The following GPC6 variants were observed in gnomAD, a reference collection of about 807,000 sequenced individuals.
GPC6 encodes glypican-6.
Under a neutral mutation model 55.2 loss-of-function variants are expected in GPC6, and 14 were observed. The ratio of observed to expected loss-of-function variants is 0.25; its 90% CI spans 0.17 to 0.40. GPC6 has a LOEUF of 0.40. Ranked by LOEUF, GPC6 falls within the 10% of genes least tolerant of loss-of-function variation. The pLI, the probability that GPC6 is intolerant of heterozygous loss-of-function variation, is 1.00. For missense variants in GPC6, 641 were observed against 708.5 expected, an observed-to-expected ratio of 0.90 and a Z score of 1.08; for synonymous variants, 278 against 259.6, an observed-to-expected ratio of 1.07 and a Z score of -0.68.
intron 1 of GPC6, among the ~76,000 whole-genome samples, chr13:93,368,209 G>C (rs903184130): frequency 2.6e-5 from 4 of 151,708 alleles, no homozygotes; most frequent in African/African-American, 9.7e-5. Context: ...TTTGCTCTGA[G>C]TCTATTCTAT....
Position 94,313,114 on chromosome 13 carries a change from G to A in GPC6, c.1152+6991G>A, listed in dbSNP as rs184747456. ...AAACGTTAAAACCAAACCACCCAAC[G>A]TATTCTGTCTCGGTTTCTGCTCTTC... On this transcript the variant is annotated intron_variant, in intron 6 of 8. Coordinates refer to ENST00000377047, the MANE Select transcript of GPC6 (RefSeq NM_005708.5). Among the ~76,000 whole-genome samples the A allele has an allele frequency of 8.9e-4, 135 of 152,268 alleles. 2 individuals are homozygous for A. Among genetic ancestry groups the A allele is most frequent in the Admixed American group, 6.9e-3 (105 of 15,300 alleles).
intron 1 of GPC6, among the ~76,000 whole-genome samples, chr13:93,321,055 T>C (rs1225933556): frequency 6.6e-6 from 1 of 152,188 alleles, no homozygotes; most frequent in African/African-American, 2.4e-5. Context: ...GCATCTAGTC[T>C]ATCAAAGTTT....
intron 1 of GPC6, among the ~76,000 whole-genome samples, chr13:93,402,319 A>G (rs1876122140): frequency 1.3e-5 from 2 of 152,144 alleles, no homozygotes; most frequent in African/African-American, 4.8e-5. Context: ...GCGCTAGGGC[A>G]ATGCAGGAGA....
In GPC6 at chr13:93,592,868, C is replaced by T. The variant is rs77375893; in HGVS notation, c.319+47447C>T. ...ACTAAGAATATAAAAATACCTCCTA[C>T]GAAATGCTTATTAAAGAATAATTAA... is the stretch of plus-strand genomic sequence containing the variant. On this transcript the variant is annotated intron_variant, in intron 2 of 8. Transcript: ENST00000377047. Among the ~76,000 whole-genome samples, 63 of 151,940 alleles carry T rather than the reference C, an allele frequency of 4.1e-4. 1 individual carries two copies. The highest frequency in any genetic ancestry group is 2.9e-3 in the East Asian group (15 of 5,172).
intron 4 of GPC6, among the ~76,000 whole-genome samples, chr13:94,032,451 T>C (rs1883178628): frequency 6.6e-6 from 1 of 152,202 alleles, no homozygotes. Context: ...TGATGTTAAA[T>C]AGCCACAGCA....
intron 1 of GPC6, among the ~76,000 whole-genome samples, chr13:93,428,792 G>A (rs1877248490): frequency 6.6e-6 from 1 of 152,070 alleles, no homozygotes; most frequent in Admixed American, 6.6e-5. Context: ...ACCTCATACA[G>A]TTTTTTAGCC....
intron 4 of GPC6, among the ~76,000 whole-genome samples, chr13:94,206,252 A>G (rs1889898534): frequency 6.6e-6 from 1 of 152,188 alleles, no homozygotes. Flanking sequence ...TGAGAAGTGA[A>G]TGAGAATATT....
At chr13:93,343,784 T>C (rs1288029299) in intron 1 of GPC6, among the ~76,000 whole-genome samples, 2 of 152,228 alleles carry the variant, frequency 1.3e-5, no homozygotes, top group African/African-American at 4.8e-5. Context: ...TTTGCAGCTT[T>C]GCTCCTTGGG....
intron 1 of GPC6, among the ~76,000 whole-genome samples, chr13:93,526,130 C>G (rs1003539251): frequency 5.3e-5 from 8 of 152,032 alleles, no homozygotes; most frequent in Admixed American, 6.6e-5. Context: ...ACTCTGATAG[C>G]TAAAAATTCT....
At chr13:94,372,792 C>G (rs1171558061) in intron 6 of GPC6, among the ~76,000 whole-genome samples, 1 of 152,098 alleles carries the variant, frequency 6.6e-6, no homozygotes, top group Non-Finnish European at 1.5e-5. Flanking sequence ...CAGCAGTAAC[C>G]TCTGCAGACT....
At chr13:93,439,444 T>C (rs982486620) in intron 1 of GPC6, among the ~76,000 whole-genome samples, 1 of 152,144 alleles carries the variant, frequency 6.6e-6, no homozygotes, top group Non-Finnish European at 1.5e-5. Context: ...CCTGTGCAAG[T>C]TCTTTCTCTT....
At chr13:93,264,919 T>C (rs1302636718) in intron 1 of GPC6, among the ~76,000 whole-genome samples, 4 of 152,206 alleles carry the variant, frequency 2.6e-5, no homozygotes, top group African/African-American at 9.7e-5. Flanking sequence ...GAATAGAATA[T>C]GTGAATCCCT....
At chr13:93,865,528 T>C (rs1384331985) in intron 3 of GPC6, among the ~76,000 whole-genome samples, 4 of 151,658 alleles carry the variant, frequency 2.6e-5, no homozygotes, top group Admixed American at 6.6e-5. Context: ...AAGCCAGAGG[T>C]TGTAACCTTT....
At position 93,601,392 on chromosome 13, in the gene GPC6, GTAATAA is replaced by G. The variant is rs1374065155; in HGVS notation, c.319+55984_319+55989del. ...AGTGAGACTCTATCTCAAAATAATAGTAATAATAATAATAATAAAAACATGGGCATT... is the reference window on the plus strand; with the variant it reads ...AGTGAGACTCTATCTCAAAATAATAGTAATAATAATAAAAACATGGGCATT... On this transcript the variant is annotated intron_variant, in intron 2 of 8. Coordinates refer to ENST00000377047, the MANE Select transcript of GPC6 (RefSeq NM_005708.5). Among the ~76,000 whole-genome samples, 4 of 151,734 alleles carry G rather than the reference GTAATAA, an allele frequency of 2.6e-5. No homozygotes were observed. In the South Asian group the frequency reaches 6.3e-4, roughly 24 times the overall value.
At chr13:93,899,289 G>T (rs1876212698) in intron 3 of GPC6, among the ~76,000 whole-genome samples, 1 of 152,024 alleles carries the variant, frequency 6.6e-6, no homozygotes, top group Non-Finnish European at 1.5e-5. Context: ...TGTTTGACAA[G>T]GGAGTTAAGT....
chr13:94,400,850 C>T (rs556804924), intron 8 of GPC6, among the ~76,000 whole-genome samples: 1 of 152,268 alleles, frequency 6.6e-6, no homozygotes, highest in South Asian at 2.1e-4. Context: ...CTGAGCCCTT[C>T]CAGGAACATC....
intron 2 of GPC6, among the ~76,000 whole-genome samples, chr13:93,704,723 A>G (rs1882786784): frequency 6.6e-6 from 1 of 152,094 alleles, no homozygotes; most frequent in Non-Finnish European, 1.5e-5. Context: ...AAAAGCAAAC[A>G]TGGAAGCACT....
intron 3 of GPC6, among the ~76,000 whole-genome samples, chr13:93,905,497 A>G (rs1040135755): frequency 2.0e-5 from 3 of 152,194 alleles, no homozygotes; most frequent in Non-Finnish European, 4.4e-5. Flanking sequence ...TGTCTTAGAA[A>G]CCACACCTTT....
chr13:93,457,416 A>G (rs1040528127), intron 1 of GPC6, among the ~76,000 whole-genome samples: 6 of 152,190 alleles, frequency 3.9e-5, no homozygotes, highest in African/African-American at 1.4e-4. Context: ...GGAGAGACAA[A>G]ATTCAACCCT....
Sources: gnomAD v4.1 joint callset for allele counts (sites outside exome capture counted in the v4.1 genomes callset) on GRCh38, gnomAD v4.1.1 for gene constraint, MANE v1.5 for transcripts, NCBI Gene and HGNC (gene_info 2026-07-23, HGNC 2026-07-21) for gene names.